Variants in LRP8 observed in about 807,000 individuals in gnomAD.
LRP8 encodes low-density lipoprotein receptor-related protein 8.
In LRP8, 46 loss-of-function variants were observed where a neutral mutation model predicts 111.6. The ratio of observed to expected loss-of-function variants is 0.41; its 90% CI spans 0.33 to 0.53. The LOEUF is 0.53. Among genes scored for constraint, LRP8 ranks in the 20% least tolerant of loss-of-function variants. The pLI, the probability that LRP8 is intolerant of heterozygous loss-of-function variation, is 0.20. For synonymous variants in LRP8, 464 were observed against 511.2 expected (o/e 0.91, Z 1.24); for missense variants, 959 against 1,297.4 (o/e 0.74, Z 4.01).
At chr1:53,290,294 TTCCTCC>T (rs146311099) in intron 2 of LRP8, among the ~76,000 whole-genome samples, 14 of 151,012 alleles carry the variant, frequency 9.3e-5, no homozygotes, top group East Asian at 5.9e-4. Flanking sequence ...TCAATCCCAC[TTCCTCC>T]TCCTCCTCCT....
rs988291159 is a variant in LRP8 at position 53,258,337 on chromosome 1, T to C, written c.2191A>G (p.Met731Val). The part of the protein sequence containing the change: ...CPDTMWLGPD[M>V]KRCYRAPQST... ...TGCTTACCTCGGTAGCACCTCTTCA[T>C]GTCTGGACCCAGCCACATTGTGTCA... Residue 731 changes from methionine to valine, a missense_variant, in exon 14 of 19, where the codon ATG becomes GTG. By Grantham distance (21) the Met-to-Val change is conservative (BLOSUM62 1). This residue lies in a region of LRP8 where 819 missense variants were observed against 1,097.6 expected (regional missense o/e 0.75). Coordinates refer to ENST00000306052, the MANE Select transcript of LRP8 (RefSeq NM_004631.5). 5 of 1,614,094 alleles carry C rather than the reference T, an allele frequency of 3.1e-6. No homozygotes were observed. In the Admixed American group the frequency reaches 8.3e-5, roughly 27 times the overall value.
chr1:53,327,304 A>G, intron 1 of LRP8: 1 of 330,582 alleles, frequency 3.0e-6, no homozygotes, highest in Non-Finnish European at 5.5e-6. Context: ...TACAGCCCAT[A>G]GGGAGTCCCC....
In LRP8 at chr1:53,266,443, T is replaced by A. The variant is rs1646559864; in HGVS notation, c.1427+30A>T. ...CACCACCCCTCACCCCCACTCTTCA[T>A]GCCTTGCTGCAGAGGATATGGCCGC... On this transcript the variant is annotated intron_variant, in intron 9 of 18. Transcript: ENST00000306052. The surrounding 1 kb of genome is among the most constrained non-coding windows in gnomAD (Gnocchi z 5.0). 6.2e-7 allele frequency: 1 copy of A among 1,608,642 alleles called. No individual in the cohort carries two copies. The highest frequency in any genetic ancestry group is 1.3e-5 in the African/African-American group (1 of 74,846).
intron 3 of LRP8, among the ~76,000 whole-genome samples, chr1:53,285,733 C>T (rs1469471064): frequency 6.6e-6 from 1 of 152,156 alleles, no homozygotes; most frequent in Non-Finnish European, 1.5e-5. Context: ...CCACATGGTC[C>T]ACCGCGATGC....
intron 2 of LRP8, among the ~76,000 whole-genome samples, chr1:53,315,170 G>T (rs1263166329): frequency 6.6e-6 from 1 of 152,160 alleles, no homozygotes; most frequent in Non-Finnish European, 1.5e-5. Flanking sequence ...TCCTAATGAG[G>T]TCCCTAGAAG....
intron 2 of LRP8, among the ~76,000 whole-genome samples, chr1:53,316,311 G>A (rs1355724769): frequency 6.6e-6 from 1 of 151,998 alleles, no homozygotes; most frequent in Non-Finnish European, 1.5e-5. Context: ...GAGGCAGGCT[G>A]GGAATGGGGA....
rs1198276037 is a variant in LRP8 at position 53,262,400 on chromosome 1, A to G, written c.1774+46T>C. On this transcript the variant is annotated intron_variant, in intron 11 of 18. Coordinates refer to ENST00000306052, the MANE Select transcript of LRP8 (RefSeq NM_004631.5). This position sits in a 1 kb window ranked among gnomAD's most constrained non-coding sequence, Gnocchi z 4.8. ...CATGGAGTTCCAGACAGTGATCAGG[A>G]CAAGGCACTAGAATAGGCCCCCAAC... is the stretch of plus-strand genomic sequence containing the variant. 10 of 1,577,880 alleles carry G rather than the reference A, an allele frequency of 6.3e-6. No homozygotes were observed. Among genetic ancestry groups the G allele is most frequent in the Non-Finnish European group, 8.7e-6 (10 of 1,148,366 alleles).
In LRP8 at chr1:53,258,304, G is replaced by A. The variant is rs1171053266; in HGVS notation, c.2209+15C>T. On this transcript the variant is annotated intron_variant, in intron 14 of 18. Coordinates refer to ENST00000306052, the MANE Select transcript of LRP8 (RefSeq NM_004631.5). ...GACACTGCCAGGGGCCATCCCTCCT[G>A]GAAGGTCTGCTTACCTCGGTAGCAC... 6.2e-7 allele frequency: 1 copy of A among 1,611,886 alleles called. No individual in the cohort carries two copies. Among genetic ancestry groups the A allele is most frequent in the Non-Finnish European group, 8.5e-7 (1 of 1,178,850 alleles).
intron 2 of LRP8, among the ~76,000 whole-genome samples, chr1:53,322,511 T>G (rs1235493986): frequency 6.6e-6 from 1 of 152,080 alleles, no homozygotes; most frequent in Non-Finnish European, 1.5e-5. Context: ...GAAGCTAATT[T>G]GGTGTCACAG....
chr1:53,302,082 TG>T (rs1651015414), intron 2 of LRP8, among the ~76,000 whole-genome samples: 1 of 152,094 alleles, frequency 6.6e-6, no homozygotes, highest in Admixed American at 6.5e-5. Context: ...GAGGCAGGCC[TG>T]GGGAGGGCTC....
chr1:53,259,786 C>T (rs866723130), intron 13 of LRP8, among the ~76,000 whole-genome samples: 3 of 152,102 alleles, frequency 2.0e-5, no homozygotes, highest in African/African-American at 7.2e-5. Context: ...GCTCCAAAGC[C>T]CATAAGCCCG....
At position 53,317,899 on chromosome 1, in the gene LRP8, A is replaced by G. The variant is rs548463804; in HGVS notation, c.244+8974T>C. Among the ~76,000 whole-genome samples the G allele has an allele frequency of 2.6e-3, 395 of 152,304 alleles. No individual in the cohort carries two copies. Among genetic ancestry groups the G allele is most frequent in the African/African-American group, 8.9e-3 (372 of 41,572 alleles). On this transcript the variant is annotated intron_variant, in intron 2 of 18. Coordinates refer to ENST00000306052, the MANE Select transcript of LRP8 (RefSeq NM_004631.5). The surrounding 1 kb of genome is among the most constrained non-coding windows in gnomAD (Gnocchi z 4.9). ...CTCTGGAAGTGGAGCTAAGGAGTCCAGCTGCCCTGTTTCCCTGCCCAGAAT... is the reference window on the plus strand; with the variant it reads ...CTCTGGAAGTGGAGCTAAGGAGTCCGGCTGCCCTGTTTCCCTGCCCAGAAT...
At chr1:53,274,958 G>A (rs1185167867) in intron 6 of LRP8, 1 of 401,898 alleles carries the variant, frequency 2.5e-6, no homozygotes, top group Non-Finnish European at 5.0e-6. Flanking sequence ...GGACAGACAG[G>A]TAAATCCAGG....
intron 2 of LRP8, among the ~76,000 whole-genome samples, chr1:53,321,630 C>CCAG (rs1277364419): frequency 4.6e-5 from 7 of 152,166 alleles, no homozygotes; most frequent in Non-Finnish European, 1.0e-4. Context: ...AAGTCGGCCA[C>CCAG]CAGCAGACAA....
At chr1:53,259,509 G>A (rs74486356) in intron 13 of LRP8, among the ~76,000 whole-genome samples, 108 of 152,040 alleles carry the variant, frequency 7.1e-4, no homozygotes, top group African/African-American at 2.3e-3. Flanking sequence ...AGGTGGGGAC[G>A]TTACATCCCA....
rs1649327068 is a variant in LRP8, at chr1:53,294,468, C to T, written c.245-4779G>A. On this transcript the variant is annotated intron_variant, in intron 2 of 18. Coordinates refer to ENST00000306052, the MANE Select transcript of LRP8 (RefSeq NM_004631.5). This position sits in a 1 kb window ranked among gnomAD's most constrained non-coding sequence, Gnocchi z 4.1. The stretch of plus-strand genomic sequence containing the variant: ...CCCTGCCACTTGTAGGCTATGTGAC[C>T]TTACACAAGTTACAGGACTCCTGTG... Among the ~76,000 whole-genome samples, 1 of 152,228 alleles carries T rather than the reference C, an allele frequency of 6.6e-6. No individual in the cohort carries two copies. Among genetic ancestry groups the T allele is most frequent in the South Asian group, 2.1e-4 (1 of 4,834 alleles).
Position 53,299,219 on chromosome 1 carries a change from C to T in LRP8, c.245-9530G>A, listed in dbSNP as rs186283196. ...CCCCTGCCTGTGTGGGGAGGGGTGGCGGGTCCCTGGCTGCTACCCACAGGC... is the reference window on the plus strand; with the variant it reads ...CCCCTGCCTGTGTGGGGAGGGGTGGTGGGTCCCTGGCTGCTACCCACAGGC... On this transcript the variant is annotated intron_variant, in intron 2 of 18. Coordinates refer to ENST00000306052, the MANE Select transcript of LRP8 (RefSeq NM_004631.5). 9.2e-5 allele frequency among the ~76,000 whole-genome samples: 14 copies of T among 152,196 alleles called. No homozygotes were observed. The East Asian group carries it at 2.5e-3, about 27-fold the overall frequency.
intron 2 of LRP8, among the ~76,000 whole-genome samples, chr1:53,322,942 A>G (rs1654701417): frequency 6.6e-6 from 1 of 152,056 alleles, no homozygotes; most frequent in East Asian, 1.9e-4. Flanking sequence ...TCTTTATTAA[A>G]CCTGGGATGG....
intron 6 of LRP8, chr1:53,272,734 G>A: frequency 8.4e-7 from 1 of 1,196,978 alleles, no homozygotes; most frequent in South Asian, 1.3e-5. Context: ...ACCCTTGGAG[G>A]TGGGCTGAGC....
Sources: allele counts gnomAD v4.1 joint callset (sites outside exome capture counted in the v4.1 genomes callset), GRCh38; gene constraint gnomAD v4.1.1; regional missense constraint gnomAD v4.1.1; non-coding constraint Gnocchi (gnomAD v3.1); transcripts MANE v1.5; gene names NCBI Gene and HGNC (gene_info 2026-07-23, HGNC 2026-07-21).